The following KCNJ3 variants were observed in gnomAD, a reference collection of about 807,000 sequenced individuals.
The protein encoded by KCNJ3 is potassium inwardly rectifying channel subfamily J member 3, also known as G protein-activated inward rectifier potassium channel 1.
KCNJ3 carries 4 observed loss-of-function variants against 39.2 expected under a neutral mutation model. The observed-to-expected ratio is 0.10, with a 90% CI of 0.05 to 0.23. The LOEUF is 0.23. Ranked by LOEUF, KCNJ3 falls within the 10% of genes least tolerant of loss-of-function variation. The pLI, the probability that KCNJ3 is intolerant of heterozygous loss-of-function variation, is 1.00. For missense variants in KCNJ3, 276 were observed against 634.9 expected (o/e 0.43, Z 6.08); for synonymous variants, 230 against 237.4 (o/e 0.97, Z 0.29).
chr2:154,787,483 A>G (rs544766297), intron 2 of KCNJ3, among the ~76,000 whole-genome samples: 54 of 152,166 alleles, frequency 3.5e-4, no homozygotes, highest in Non-Finnish European at 6.2e-4. Flanking sequence ...AGCAATCATC[A>G]AGTGCCTCTT....
At chr2:154,704,062 AC>A (rs1684956192) in intron 1 of KCNJ3, among the ~76,000 whole-genome samples, 1 of 152,128 alleles carries the variant, frequency 6.6e-6, no homozygotes, top group South Asian at 2.1e-4. Context: ...TTTCTCTGAC[AC>A]AAGTATACTA....
chr2:154,840,595 G>A (rs936800283), intron 2 of KCNJ3, among the ~76,000 whole-genome samples: 1 of 151,992 alleles, frequency 6.6e-6, no homozygotes, highest in Non-Finnish European at 1.5e-5. Flanking sequence ...ATTTATTTGT[G>A]TCCTCTTTTA....
chr2:154,758,454 C>G (rs767930546), intron 2 of KCNJ3, among the ~76,000 whole-genome samples: 3 of 152,072 alleles, frequency 2.0e-5, no homozygotes, highest in Non-Finnish European at 4.4e-5. Context: ...TGCACATCCT[C>G]CTATATACTT....
chr2:154,737,308 T>C (rs1278297882), intron 2 of KCNJ3, among the ~76,000 whole-genome samples: 1 of 152,168 alleles, frequency 6.6e-6, no homozygotes, highest in Non-Finnish European at 1.5e-5. Context: ...GGTTTAAAAG[T>C]AAGATTTGAA....
intron 2 of KCNJ3, among the ~76,000 whole-genome samples, chr2:154,823,480 A>G (rs965530380): frequency 4.0e-5 from 6 of 149,772 alleles, no homozygotes; most frequent in African/African-American, 1.2e-4. Context: ...TCAGTTTTTT[A>G]TCTCTTCAAC....
At chr2:154,807,570 T>A (rs1213682195) in intron 2 of KCNJ3, among the ~76,000 whole-genome samples, 1 of 152,154 alleles carries the variant, frequency 6.6e-6, no homozygotes, top group Admixed American at 6.5e-5. Context: ...GTGGCATTTA[T>A]CTATCCCATG....
chr2:154,851,349 A>G (rs1014019883), intron 2 of KCNJ3, among the ~76,000 whole-genome samples: 2 of 152,208 alleles, frequency 1.3e-5, no homozygotes, highest in Non-Finnish European at 1.5e-5. Context: ...TTCATCACAC[A>G]TATTAAGGCA....
At chr2:154,844,666 C>T (rs1333520022) in intron 2 of KCNJ3, among the ~76,000 whole-genome samples, 1 of 152,198 alleles carries the variant, frequency 6.6e-6, no homozygotes, top group African/African-American at 2.4e-5. Context: ...GGATACCCCT[C>T]CCCTAGCCAG....
intron 2 of KCNJ3, among the ~76,000 whole-genome samples, chr2:154,711,574 C>A (rs985959960): frequency 5.3e-5 from 8 of 152,164 alleles, no homozygotes; most frequent in Middle Eastern, 6.8e-3. Flanking sequence ...TATAAAATCA[C>A]GGTCTGAAGA....
At position 154,735,069 on chromosome 2, in the gene KCNJ3, CTGTG is replaced by C. The variant is rs10632638; in HGVS notation, c.919+25280_919+25283del. On this transcript the variant is annotated intron_variant, in intron 2 of 2. Coordinates refer to ENST00000295101, the MANE Select transcript of KCNJ3 (RefSeq NM_002239.4). Reference sequence around the variant, plus strand: ...TAGACTTTCCACTCCCCTTGTAGGCCTGTGTGTGTGTGTGTGTGTGTGTGTGTGT... The same window carrying C: ...TAGACTTTCCACTCCCCTTGTAGGCCTGTGTGTGTGTGTGTGTGTGTGTGT... 3.7e-3 allele frequency among the ~76,000 whole-genome samples: 545 copies of C among 145,864 alleles called. 3 individuals are homozygous for C. Among genetic ancestry groups the C allele is most frequent in the African/African-American group, 0.012 (465 of 39,034 alleles).
chr2:154,799,100 C>T (rs1008200887), intron 2 of KCNJ3, among the ~76,000 whole-genome samples: 1 of 152,082 alleles, frequency 6.6e-6, no homozygotes, highest in Non-Finnish European at 1.5e-5. Context: ...AGCAACTCCA[C>T]AGTCAAAAGA....
At chr2:154,746,106 C>T (rs1392521680) in intron 2 of KCNJ3, among the ~76,000 whole-genome samples, 1 of 151,970 alleles carries the variant, frequency 6.6e-6, no homozygotes, top group Non-Finnish European at 1.5e-5. Flanking sequence ...TGATGACCCA[C>T]TTCTACTTAA....
intron 2 of KCNJ3, among the ~76,000 whole-genome samples, chr2:154,732,237 A>T (rs933749378): frequency 2.0e-5 from 3 of 152,086 alleles, no homozygotes; most frequent in African/African-American, 7.2e-5. Flanking sequence ...ATACGTGTGC[A>T]TTTTTTATTT....
intron 2 of KCNJ3, among the ~76,000 whole-genome samples, chr2:154,752,694 T>C (rs1395382491): frequency 6.6e-6 from 1 of 152,064 alleles, no homozygotes; most frequent in East Asian, 1.9e-4. Context: ...TATGTGAGTG[T>C]TCATACTTCT....
chr2:154,843,301 G>C (rs1299822343), intron 2 of KCNJ3, among the ~76,000 whole-genome samples: 3 of 152,124 alleles, frequency 2.0e-5, no homozygotes, highest in Admixed American at 6.5e-5. Flanking sequence ...TTTGCTGAGA[G>C]ATCCGTTGTT....
chr2:154,748,111 A>G (rs1179989142), intron 2 of KCNJ3, among the ~76,000 whole-genome samples: 6 of 152,082 alleles, frequency 3.9e-5, no homozygotes, highest in Admixed American at 3.9e-4. Context: ...CCTGTGTGAC[A>G]AGAAGAAATA....
intron 2 of KCNJ3, among the ~76,000 whole-genome samples, chr2:154,763,083 T>C (rs775275565): frequency 2.0e-5 from 3 of 152,220 alleles, no homozygotes; most frequent in Non-Finnish European, 1.5e-5. Flanking sequence ...ATAATGACAA[T>C]ACCCATTCCA....
At chr2:154,849,573 G>A (rs979768913) in intron 2 of KCNJ3, among the ~76,000 whole-genome samples, 1 of 152,108 alleles carries the variant, frequency 6.6e-6, no homozygotes, top group African/African-American at 2.4e-5. Context: ...TATTGATTGT[G>A]TGATATTTTC....
intron 2 of KCNJ3, among the ~76,000 whole-genome samples, chr2:154,818,258 G>T (rs889333985): frequency 3.9e-5 from 6 of 152,026 alleles, no homozygotes; most frequent in African/African-American, 1.2e-4. Flanking sequence ...CTCAATTTCT[G>T]AAATTCTTCG....
Sources: allele counts gnomAD v4.1 joint callset (sites outside exome capture counted in the v4.1 genomes callset), GRCh38; gene constraint gnomAD v4.1.1; transcripts MANE v1.5; gene names NCBI Gene and HGNC (gene_info 2026-07-23, HGNC 2026-07-21).